Variants in ZNF521 observed in about 807,000 individuals in gnomAD.
ZNF521 encodes LYST-interacting protein 3.
ZNF521 carries 14 observed loss-of-function variants against 105.5 expected under a neutral mutation model. That is an observed-to-expected ratio of 0.13 (90% CI 0.09 to 0.21). ZNF521 has a LOEUF of 0.21. Among genes scored for constraint, ZNF521 ranks in the 10% least tolerant of loss-of-function variants. The probability of loss-of-function intolerance (pLI) is 1.00; values close to 1 mark genes in which losing one functional copy is unlikely to be tolerated. For synonymous variants in ZNF521, 635 were observed against 606.0 expected (o/e 1.05, Z -0.70); for missense variants, 1,233 against 1,629.7 (o/e 0.76, Z 4.19).
At chr18:25,210,344 C>A (rs962142065) in intron 4 of ZNF521, among the ~76,000 whole-genome samples, 1 of 152,178 alleles carries the variant, frequency 6.6e-6, no homozygotes, top group Non-Finnish European at 1.5e-5. Context: ...TAAGGACAAT[C>A]TTTCCTTCTA....
At chr18:25,331,015 G>A (rs150021505) in intron 2 of ZNF521, among the ~76,000 whole-genome samples, 126 of 152,270 alleles carry the variant, frequency 8.3e-4, no homozygotes, top group Admixed American at 3.2e-3. Context: ...TTTTGTAACC[G>A]TGTTGTTTTT....
intron 7 of ZNF521, among the ~76,000 whole-genome samples, chr18:25,083,044 C>G (rs1015878210): frequency 3.3e-5 from 5 of 151,948 alleles, no homozygotes; most frequent in Non-Finnish European, 7.4e-5. Context: ...TAAACTAAAA[C>G]TTTTTTCCAA....
At chr18:25,303,094 T>C (rs1048412639) in intron 3 of ZNF521, 1 of 152,130 alleles carries the variant, frequency 6.6e-6, no homozygotes, top group African/African-American at 2.4e-5. Flanking sequence ...CAACAGGACA[T>C]GGTGACATGA....
chr18:25,101,050 C>T (rs560460516), intron 5 of ZNF521, among the ~76,000 whole-genome samples: 1 of 152,290 alleles, frequency 6.6e-6, no homozygotes, highest in African/African-American at 2.4e-5. Flanking sequence ...TTTAAAGAAA[C>T]TACAGATATC....
At chr18:25,122,796 T>C (rs1292570902) in intron 5 of ZNF521, among the ~76,000 whole-genome samples, 2 of 151,854 alleles carry the variant, frequency 1.3e-5, no homozygotes, top group Non-Finnish European at 2.9e-5. Flanking sequence ...ATAAGTATTA[T>C]CAAAGAAAGA....
chr18:25,343,101 A>G (rs1038083275), intron 2 of ZNF521, among the ~76,000 whole-genome samples: 2 of 152,230 alleles, frequency 1.3e-5, no homozygotes, highest in Non-Finnish European at 2.9e-5. Context: ...TTGTATGAAT[A>G]TATGGAACTG....
At chr18:25,110,034 C>T (rs1475184921) in intron 5 of ZNF521, among the ~76,000 whole-genome samples, 1 of 152,132 alleles carries the variant, frequency 6.6e-6, no homozygotes, top group African/African-American at 2.4e-5. Flanking sequence ...TCTTCTCCTC[C>T]ATATAGGAAA....
At chr18:25,265,911 A>G (rs1230341421) in intron 3 of ZNF521, among the ~76,000 whole-genome samples, 1 of 152,210 alleles carries the variant, frequency 6.6e-6, no homozygotes, top group East Asian at 1.9e-4. Context: ...TGGAGATCAT[A>G]TGTTAAGTGA....
intron 2 of ZNF521, chr18:25,327,449 C>A (rs1352471978): frequency 1.7e-6 from 2 of 1,171,040 alleles, no homozygotes; most frequent in African/African-American, 3.2e-5. Context: ...AGTCCCACAC[C>A]TAAAAAGAAA....
intron 3 of ZNF521, among the ~76,000 whole-genome samples, chr18:25,289,403 C>T (rs1025094318): frequency 2.6e-5 from 4 of 152,148 alleles, no homozygotes; most frequent in African/African-American, 9.7e-5. Flanking sequence ...AGTGATTATG[C>T]GAACAGAACT....
intron 7 of ZNF521, among the ~76,000 whole-genome samples, chr18:25,083,475 G>A (rs1268773511): frequency 6.6e-6 from 1 of 152,100 alleles, no homozygotes; most frequent in Non-Finnish European, 1.5e-5. Context: ...CAGAGCCAAC[G>A]TTCTGTGAGT....
chr18:25,171,209 TCA>T (rs1207132640), intron 5 of ZNF521, among the ~76,000 whole-genome samples: 6 of 152,138 alleles, frequency 3.9e-5, no homozygotes, highest in African/African-American at 1.4e-4. Context: ...TCTGCTCACC[TCA>T]CACACAATCG....
chr18:25,201,974 G>A (rs1442875360), intron 4 of ZNF521: 3 of 152,042 alleles, frequency 2.0e-5, no homozygotes, highest in Non-Finnish European at 4.4e-5. Flanking sequence ...AATTTTTAAT[G>A]CTTACTTATT....
intron 3 of ZNF521, among the ~76,000 whole-genome samples, chr18:25,259,645 C>T (rs1908771469): frequency 1.3e-5 from 2 of 152,190 alleles, no homozygotes; most frequent in South Asian, 2.1e-4. Flanking sequence ...ATTCCATCCA[C>T]GCATTGGGCA....
At chr18:25,116,979 A>G (rs1410555007) in intron 5 of ZNF521, among the ~76,000 whole-genome samples, 1 of 145,900 alleles carries the variant, frequency 6.9e-6, no homozygotes, top group Non-Finnish European at 1.5e-5. Context: ...ATATGTATAT[A>G]TATATACACA....
chr18:25,096,645 A>C (rs2033857136), intron 5 of ZNF521, among the ~76,000 whole-genome samples: 2 of 152,194 alleles, frequency 1.3e-5, no homozygotes, highest in African/African-American at 4.8e-5. Flanking sequence ...TGCTGCTGTT[A>C]TCCCAGGAAT....
At chr18:25,088,291 C>T (rs980573550) in intron 7 of ZNF521, among the ~76,000 whole-genome samples, 2 of 151,512 alleles carry the variant, frequency 1.3e-5, no homozygotes, top group Admixed American at 6.6e-5. Context: ...TCTCGGCTCA[C>T]CGCAAGCTCC....
chr18:25,326,447 A>T (rs1913227657), intron 2 of ZNF521, among the ~76,000 whole-genome samples: 1 of 152,108 alleles, frequency 6.6e-6, no homozygotes, highest in South Asian at 2.1e-4. Flanking sequence ...GTAAAGTAAA[A>T]CTCTGTCGCT....
chr18:25,292,083 A>G (rs946881030), intron 3 of ZNF521, among the ~76,000 whole-genome samples: 1 of 152,186 alleles, frequency 6.6e-6, no homozygotes, highest in Non-Finnish European at 1.5e-5. Context: ...ATCCAAGGTT[A>G]TTGTCTTAAA....
Sources: allele counts gnomAD v4.1 joint callset (sites outside exome capture counted in the v4.1 genomes callset), GRCh38; gene constraint gnomAD v4.1.1; transcripts MANE v1.5; gene names NCBI Gene and HGNC (gene_info 2026-07-23, HGNC 2026-07-21).